Variants in NELL1 observed in about 807,000 individuals in gnomAD.
NELL1 encodes protein kinase C-binding protein NELL1.
A neutral mutation model predicts 107.4 loss-of-function variants in NELL1; 76 were observed. That is an observed-to-expected ratio of 0.71 (90% CI 0.59 to 0.86). The LOEUF (loss-of-function observed/expected upper bound fraction) is 0.86. Ranked by LOEUF, NELL1 falls within the 40% of genes least tolerant of loss-of-function variation. The pLI is 0.00. For missense variants in NELL1, 1,024 were observed against 1,005.5 expected (o/e 1.02, Z -0.25); for synonymous variants, 353 against 341.2 (o/e 1.03, Z -0.38).
At chr11:20,917,093 T>A (rs1850274918) in intron 5 of NELL1, among the ~76,000 whole-genome samples, 1 of 152,002 alleles carries the variant, frequency 6.6e-6, no homozygotes, top group South Asian at 2.1e-4. Context: ...GAGAAGTTAA[T>A]TCATTTAGAT....
chr11:20,692,699 C>T (rs1854501149), intron 2 of NELL1, among the ~76,000 whole-genome samples: 5 of 152,038 alleles, frequency 3.3e-5, no homozygotes, highest in Admixed American at 3.3e-4. Flanking sequence ...GAGTGCTTTA[C>T]TTCCAACTAT....
intron 13 of NELL1, among the ~76,000 whole-genome samples, chr11:21,130,752 C>T (rs1214307034): frequency 6.6e-6 from 1 of 152,104 alleles, no homozygotes; most frequent in East Asian, 1.9e-4. Flanking sequence ...GGCTCTTGTG[C>T]GAAGGTCAGT....
chr11:21,563,634 C>A (rs1249253470), intron 17 of NELL1, among the ~76,000 whole-genome samples: 2 of 152,052 alleles, frequency 1.3e-5, no homozygotes, highest in East Asian at 3.9e-4. Context: ...GGAGGATATG[C>A]ATAGGTGGTT....
chr11:20,796,697 T>C (rs1045561598), intron 3 of NELL1, among the ~76,000 whole-genome samples: 3 of 152,226 alleles, frequency 2.0e-5, no homozygotes, highest in Middle Eastern at 3.4e-3. Flanking sequence ...GAGATAACAA[T>C]GCAAAACTAT....
At chr11:20,741,800 G>T (rs1855897018) in intron 2 of NELL1, among the ~76,000 whole-genome samples, 1 of 152,202 alleles carries the variant, frequency 6.6e-6, no homozygotes. Context: ...TGGAGTATTT[G>T]TCAGGGGAAC....
At chr11:20,996,780 A>C (rs1361174988) in intron 12 of NELL1, among the ~76,000 whole-genome samples, 1 of 151,950 alleles carries the variant, frequency 6.6e-6, no homozygotes, top group Non-Finnish European at 1.5e-5. Flanking sequence ...TTGTTCTTTA[A>C]TCCTCCTCTG....
chr11:21,460,613 T>C (rs930983147), intron 15 of NELL1, among the ~76,000 whole-genome samples: 1 of 152,098 alleles, frequency 6.6e-6, no homozygotes, highest in African/African-American at 2.4e-5. Context: ...TGCGAGAGCA[T>C]TGATTTTAAG....
intron 4 of NELL1, among the ~76,000 whole-genome samples, chr11:20,873,718 T>G (rs531780313): frequency 6.4e-4 from 97 of 151,460 alleles, no homozygotes; most frequent in South Asian, 4.8e-3. Flanking sequence ...AGTCTGATGA[T>G]CTTTCCCTGG....
chr11:21,121,344 C>G (rs528618212), intron 13 of NELL1, among the ~76,000 whole-genome samples: 2 of 152,124 alleles, frequency 1.3e-5, no homozygotes, highest in African/African-American at 4.8e-5. Flanking sequence ...GGTCCTGCTT[C>G]CAAAGCTGCA....
At chr11:21,212,353 A>G (rs1857516164) in intron 13 of NELL1, among the ~76,000 whole-genome samples, 1 of 152,208 alleles carries the variant, frequency 6.6e-6, no homozygotes, top group Non-Finnish European at 1.5e-5. Flanking sequence ...ATTGCTGTTT[A>G]GAAAAGAAGC....
intron 2 of NELL1, among the ~76,000 whole-genome samples, chr11:20,728,839 G>A (rs1855566205): frequency 6.6e-6 from 1 of 152,066 alleles, no homozygotes; most frequent in Non-Finnish European, 1.5e-5. Context: ...CTAATTCTGT[G>A]AAAAATGACA....
intron 17 of NELL1, among the ~76,000 whole-genome samples, chr11:21,562,500 G>T (rs372014690): frequency 6.6e-6 from 1 of 151,974 alleles, no homozygotes; most frequent in South Asian, 2.1e-4. Context: ...AGACAGCCTG[G>T]TTTAGGAGCT....
At chr11:20,755,559 T>TTATTTTTTATTTTTTA (rs1856254426) in intron 2 of NELL1, among the ~76,000 whole-genome samples, 1 of 17,668 alleles carries the variant, frequency 5.7e-5, no homozygotes, top group East Asian at 1.2e-3. Context: ...TGTTTTTGTT[T>TTATTTTTTATTTTTTA]TTGTTTTTTT....
intron 13 of NELL1, among the ~76,000 whole-genome samples, chr11:21,126,621 C>T (rs1252724853): frequency 6.6e-6 from 1 of 152,170 alleles, no homozygotes; most frequent in Non-Finnish European, 1.5e-5. Flanking sequence ...CTAGGTGGTA[C>T]TCAATATTGA....
chr11:21,526,431 C>T (rs1397548005), intron 15 of NELL1, among the ~76,000 whole-genome samples: 1 of 152,176 alleles, frequency 6.6e-6, no homozygotes, highest in Admixed American at 6.5e-5. Context: ...GTGGATCTAC[C>T]ATTCTGGGGT....
In NELL1 at chr11:20,974,275, G is replaced by A. The variant is rs1284140055; in HGVS notation, c.1300+13715G>A. Among the ~76,000 whole-genome samples, 8 of 152,164 alleles carry A rather than the reference G, an allele frequency of 5.3e-5. No homozygotes were observed. In the East Asian group the frequency reaches 1.5e-3, roughly 29 times the overall value. On this transcript the variant is annotated intron_variant, in intron 12 of 19. Coordinates refer to ENST00000357134, the MANE Select transcript of NELL1 (RefSeq NM_006157.5). ...TGCTAAAAAAGGAAAACTAACATTT[G>A]TGTCAGGCATTGTGCTAATCAGGTC...
chr11:20,847,399 G>C (rs556267596), intron 3 of NELL1, among the ~76,000 whole-genome samples, 184 bp from the exon 4 acceptor site: 1 of 152,302 alleles, frequency 6.6e-6, no homozygotes, highest in African/African-American at 2.4e-5. Flanking sequence ...ATGTTGCCAC[G>C]AGGGTTCTCA....
chr11:21,346,587 T>A (rs958791659), intron 14 of NELL1, among the ~76,000 whole-genome samples: 6 of 148,020 alleles, frequency 4.1e-5, no homozygotes, highest in Admixed American at 1.4e-4. Flanking sequence ...ATGATAAATA[T>A]AATATATAAT....
At chr11:21,549,986 G>C (rs1162648708) in intron 16 of NELL1, among the ~76,000 whole-genome samples, 1 of 151,666 alleles carries the variant, frequency 6.6e-6, no homozygotes, top group African/African-American at 2.4e-5. Context: ...AAGCTGAAAG[G>C]GTAGGTTTTT....
Sources: allele counts gnomAD v4.1 joint callset (sites outside exome capture counted in the v4.1 genomes callset), GRCh38; gene constraint gnomAD v4.1.1; transcripts MANE v1.5; gene names NCBI Gene and HGNC (gene_info 2026-07-23, HGNC 2026-07-21).